The following SHANK2 variants were observed in gnomAD, a reference collection of about 807,000 sequenced individuals.
SHANK2 encodes the protein SH3 and multiple ankyrin repeat domains 2.
A neutral mutation model predicts 133.7 loss-of-function variants in SHANK2; 43 were observed. The observed-to-expected ratio is 0.32, with a 90% CI of 0.25 to 0.41. The LOEUF is 0.41. Among genes scored for constraint, SHANK2 ranks in the 10% least tolerant of loss-of-function variants. The pLI, the probability that SHANK2 is intolerant of heterozygous loss-of-function variation, is 1.00. For synonymous variants in SHANK2, 1,017 were observed against 952.8 expected (o/e 1.07, Z -1.24); for missense variants, 1,994 against 2,235.8 (o/e 0.89, Z 2.18).
chr11:70,717,656 C>A (rs924756909), intron 14 of SHANK2, among the ~76,000 whole-genome samples: 2 of 152,252 alleles, frequency 1.3e-5, no homozygotes, highest in African/African-American at 4.8e-5. Context: ...CAGCCCACAG[C>A]GTACCTCCAA....
At chr11:70,871,080 A>G (rs1366792776) in intron 11 of SHANK2, among the ~76,000 whole-genome samples, 9 of 152,104 alleles carry the variant, frequency 5.9e-5, no homozygotes, top group Non-Finnish European at 1.2e-4. Flanking sequence ...ACCCGGTCCC[A>G]TTTCCTCTTT....
chr11:70,501,966 T>TGTTAGATAAACAGAAAAGAGGAAAGGC lies in SHANK2; in HGVS notation c.2279-62_2279-36dup, dbSNP rs2059060156. 18 of 1,552,820 alleles carry TGTTAGATAAACAGAAAAGAGGAAAGGC rather than the reference T, an allele frequency of 1.2e-5. No individual in the cohort carries two copies. In the South Asian group the frequency reaches 1.9e-4, roughly 16 times the overall value. ...GGCCCAAAAATTCAAAACAAAACAA[T>TGTTAGATAAACAGAAAAGAGGAAAGGC]GTTAGATAAACAGAAAAGAGGAAAG... On this transcript the variant is annotated intron_variant, in intron 19 of 25. Transcript: ENST00000601538.
intron 17 of SHANK2, among the ~76,000 whole-genome samples, chr11:70,648,876 G>A (rs527524365): frequency 3.3e-4 from 51 of 152,246 alleles, no homozygotes; most frequent in Middle Eastern, 6.8e-3. Context: ...CCATGTGCTC[G>A]GCTCTGGGTG....
At chr11:70,524,341 GGGAGCCT>G (rs1565096472) in intron 17 of SHANK2, among the ~76,000 whole-genome samples, 1 of 152,242 alleles carries the variant, frequency 6.6e-6, no homozygotes, top group Non-Finnish European at 1.5e-5. Context: ...CAGAGTCCCA[GGGAGCCT>G]GGAGAAAGGT....
intron 21 of SHANK2, among the ~76,000 whole-genome samples, chr11:70,494,279 C>T (rs782300841): frequency 1.3e-5 from 2 of 152,188 alleles, no homozygotes; most frequent in Non-Finnish European, 2.9e-5. Flanking sequence ...GCCAGTCCTG[C>T]CCCCACCGGG....
rs536296329 is a variant in SHANK2 at position 70,749,615 on chromosome 11, G to GC, written c.1777+48827dup. On this transcript the variant is annotated intron_variant, in intron 14 of 25. Transcript: ENST00000601538. ...GGACCTAGGAGGCAATGAGTTTAAT[G>GC]CCACTATTGTAACTATTTCAACAAG... is the stretch of plus-strand genomic sequence containing the variant. 6.2e-4 allele frequency among the ~76,000 whole-genome samples: 94 copies of GC among 152,306 alleles called. No individual in the cohort carries two copies. In the Middle Eastern group the frequency reaches 0.01, roughly 17 times the overall value.
At chr11:70,940,149 A>G (rs1361399547) in intron 10 of SHANK2, among the ~76,000 whole-genome samples, 1 of 75,358 alleles carries the variant, frequency 1.3e-5, no homozygotes, top group African/African-American at 4.4e-5. Flanking sequence ...ACTGGAAGAG[A>G]ATCAATTTCC....
At chr11:70,639,874 A>C (rs1200790386) in intron 17 of SHANK2, among the ~76,000 whole-genome samples, 1 of 152,144 alleles carries the variant, frequency 6.6e-6, no homozygotes, top group African/African-American at 2.4e-5. Context: ...GTGGAGTTCT[A>C]CGTGGCTGGG....
intron 8 of SHANK2, among the ~76,000 whole-genome samples, chr11:71,085,825 TA>T (rs2136024719): frequency 2.4e-3 from 1 of 418 alleles, no homozygotes; most frequent in African/African-American, 0.019. Flanking sequence ...TTATATTATA[TA>T]ATAATATTAT....
intron 9 of SHANK2, among the ~76,000 whole-genome samples, chr11:71,074,875 G>A (rs1951198699): frequency 6.7e-6 from 1 of 150,310 alleles, no homozygotes; most frequent in Non-Finnish European, 1.5e-5. Flanking sequence ...CGCCTCCTGG[G>A]TTCACGCCAT....
chr11:70,828,363 G>A (rs1317485908), intron 11 of SHANK2, among the ~76,000 whole-genome samples: 1 of 152,208 alleles, frequency 6.6e-6, no homozygotes, highest in Non-Finnish European at 1.5e-5. Context: ...CATGAGCCAT[G>A]TCAAAACTCT....
intron 10 of SHANK2, among the ~76,000 whole-genome samples, chr11:70,924,112 C>G (rs1467604834): frequency 6.6e-6 from 1 of 152,274 alleles, no homozygotes; most frequent in African/African-American, 2.4e-5. Flanking sequence ...TAGGTGCCAT[C>G]ATAAAACCTT....
chr11:71,063,517 C>A (rs1951012682), intron 9 of SHANK2, among the ~76,000 whole-genome samples: 2 of 152,316 alleles, frequency 1.3e-5, no homozygotes, highest in South Asian at 4.1e-4. Flanking sequence ...TGGGAGAACT[C>A]TCTGCCAGGG....
intron 14 of SHANK2, among the ~76,000 whole-genome samples, chr11:70,777,804 C>T (rs1467844309): frequency 6.6e-6 from 1 of 152,222 alleles, no homozygotes; most frequent in Admixed American, 6.5e-5. Flanking sequence ...TCATCAAACA[C>T]ATCACTGGGA....
At chr11:70,642,152 G>A (rs1314853378) in intron 17 of SHANK2, among the ~76,000 whole-genome samples, 1 of 152,188 alleles carries the variant, frequency 6.6e-6, no homozygotes, top group Non-Finnish European at 1.5e-5. Flanking sequence ...TTGCCCGCAG[G>A]GTCTCTTTAA....
At position 70,486,069 on chromosome 11, in the gene SHANK2, T is replaced by C; in HGVS notation, c.4224A>G (p.Thr1408=). The change falls in exon 25 of 26, where the codon ACA becomes ACG. Residue 1408 remains threonine (T), a synonymous_variant. Transcript: ENST00000601538. The surrounding 1 kb of genome is among the most constrained non-coding windows in gnomAD (Gnocchi z 8.0). ...SVDLDEDFIF[T]EPLPPPLEFA... ...ATTCCAGGGGAGGAGGCAATGGCTC[T>C]GTAAAAATAAAATCCTCATCCAAGT... is the stretch of plus-strand genomic sequence containing the variant. 6.2e-7 allele frequency: 1 copy of C among 1,614,018 alleles called. No homozygotes were observed. The highest frequency in any genetic ancestry group is 1.1e-5 in the South Asian group (1 of 91,072).
chr11:70,723,299 GTCTCTC>G (rs57815500), intron 14 of SHANK2, among the ~76,000 whole-genome samples: 16 of 145,828 alleles, frequency 1.1e-4, no homozygotes, highest in East Asian at 2.0e-4. Context: ...TGGAGGGTCT[GTCTCTC>G]TCTCTCTCTC....
At chr11:70,868,738 G>A (rs979903514) in intron 11 of SHANK2, among the ~76,000 whole-genome samples, 13 of 152,342 alleles carry the variant, frequency 8.5e-5, no homozygotes, top group Admixed American at 5.9e-4. Flanking sequence ...AGTCCCATCC[G>A]GGAAAGGGCT....
intron 1 of SHANK2, among the ~76,000 whole-genome samples, chr11:71,245,702 CGAGG>C (rs1277600085): frequency 3.3e-5 from 5 of 152,220 alleles, no homozygotes; most frequent in African/African-American, 1.2e-4. Context: ...GAATGACCCT[CGAGG>C]GAGGGAAAGT....
Sources: gnomAD v4.1 joint callset for allele counts (sites outside exome capture counted in the v4.1 genomes callset) on GRCh38, gnomAD v4.1.1 for gene constraint, Gnocchi (gnomAD v3.1) non-coding constraint, MANE v1.5 for transcripts, NCBI Gene and HGNC (gene_info 2026-07-23, HGNC 2026-07-21) for gene names.